Variants in VAT1L observed in about 807,000 individuals in gnomAD.
VAT1L encodes the protein putative NADPH-dependent quinone oxidoreductase VAT1L.
A neutral mutation model predicts 44.1 loss-of-function variants in VAT1L; 34 were observed. The observed-to-expected ratio is 0.77, with a 90% CI of 0.59 to 1.03. The LOEUF is 1.03. Ranked by LOEUF, VAT1L falls within the 50% of genes least tolerant of loss-of-function variation. The probability of loss-of-function intolerance (pLI) is 0.00; values close to 1 mark genes in which losing one functional copy is unlikely to be tolerated. For missense variants in VAT1L, 615 were observed against 538.8 expected, an observed-to-expected ratio of 1.14 and a Z score of -1.40; for synonymous variants, 253 against 202.2, an observed-to-expected ratio of 1.25 and a Z score of -2.13.
At chr16:77,962,503 G>C (rs1249258572) in intron 7 of VAT1L, among the ~76,000 whole-genome samples, 1 of 152,192 alleles carries the variant, frequency 6.6e-6, no homozygotes, top group East Asian at 1.9e-4. Context: ...CTCTGGACTT[G>C]GGAGTCAAAC....
intron 3 of VAT1L, among the ~76,000 whole-genome samples, chr16:77,829,922 T>A (rs1322180053): frequency 2.0e-5 from 3 of 152,296 alleles, no homozygotes; most frequent in Non-Finnish European, 4.4e-5. Context: ...TAAGCAAGCA[T>A]CATTCCCATT....
chr16:77,804,940 T>C (rs1204513897), intron 1 of VAT1L, among the ~76,000 whole-genome samples: 1 of 152,156 alleles, frequency 6.6e-6, no homozygotes, highest in Non-Finnish European at 1.5e-5. Flanking sequence ...TAAAATCAGA[T>C]GGGTCGGAAA....
intron 7 of VAT1L, among the ~76,000 whole-genome samples, chr16:77,964,302 T>C (rs1460712021): frequency 1.3e-5 from 2 of 152,164 alleles, no homozygotes; most frequent in East Asian, 1.9e-4. Context: ...TATCTTACAG[T>C]TCTGAAAGCC....
intron 7 of VAT1L, among the ~76,000 whole-genome samples, chr16:77,900,559 G>A (rs1380302659): frequency 1.3e-5 from 2 of 151,832 alleles, no homozygotes; most frequent in Non-Finnish European, 2.9e-5. Context: ...GCTGGGCGTG[G>A]TGGTAGCTGC....
At position 77,964,835 on chromosome 16, in the gene VAT1L, C is replaced by G. The variant is rs1051551710; in HGVS notation, c.1078-7015C>G. On this transcript the variant is annotated intron_variant, in intron 7 of 8. Transcript: ENST00000302536. ...TTAGATGGAGTTTCGCCCTTGTTGC[C>G]CAGGCTGGAGTGCAATGACGTAATC... 2.9e-5 allele frequency among the ~76,000 whole-genome samples: 4 copies of G among 137,746 alleles called. No individual in the cohort carries two copies. In the Admixed American group the frequency reaches 3.4e-4, roughly 12 times the overall value. The allele number at this position is 137,746 out of a possible 152,430, so 90.4% of individuals were successfully genotyped here. A position where few individuals can be genotyped will look rare whatever the true frequency, so the allele number is the denominator to read the frequency against.
At chr16:77,923,590 G>A (rs1232336558) in intron 7 of VAT1L, among the ~76,000 whole-genome samples, 1 of 152,136 alleles carries the variant, frequency 6.6e-6, no homozygotes, top group Non-Finnish European at 1.5e-5. Context: ...GACTTCTGTA[G>A]AATTTCTTTG....
intron 3 of VAT1L, among the ~76,000 whole-genome samples, chr16:77,826,715 AGTGTTT>A (rs2016527721): frequency 1.3e-5 from 2 of 152,314 alleles, no homozygotes; most frequent in Admixed American, 6.5e-5. Flanking sequence ...GTGGAACGTT[AGTGTTT>A]CTGAGAGTGG....
chr16:77,833,465 G>A (rs1200064716), intron 3 of VAT1L, among the ~76,000 whole-genome samples: 2 of 152,178 alleles, frequency 1.3e-5, no homozygotes, highest in East Asian at 1.9e-4. Flanking sequence ...ATGAAAAGTG[G>A]TAGTGGGCTG....
intron 3 of VAT1L, among the ~76,000 whole-genome samples, chr16:77,833,177 C>T (rs193057458): frequency 2.0e-5 from 3 of 152,270 alleles, no homozygotes; most frequent in Admixed American, 6.5e-5. Flanking sequence ...TTGAATTAGG[C>T]GCTAGGAGTT....
At chr16:77,920,036 A>G (rs1323294159) in intron 7 of VAT1L, among the ~76,000 whole-genome samples, 1 of 152,182 alleles carries the variant, frequency 6.6e-6, no homozygotes, top group Admixed American at 6.6e-5. Flanking sequence ...GTGAGTCAAG[A>G]TGGTGCCCCT....
At chr16:77,894,123 G>A (rs557773511) in intron 7 of VAT1L, among the ~76,000 whole-genome samples, 15 of 152,242 alleles carry the variant, frequency 9.9e-5, no homozygotes, top group East Asian at 1.9e-4. Flanking sequence ...GGACATTAGC[G>A]TCTCCACTAT....
intron 7 of VAT1L, among the ~76,000 whole-genome samples, chr16:77,942,720 T>TTTGTTG (rs569987007): frequency 6.6e-6 from 1 of 152,066 alleles, no homozygotes; most frequent in Non-Finnish European, 1.5e-5. Context: ...CACCCTGTTT[T>TTTGTTG]TTGTTGTTGT....
intron 7 of VAT1L, among the ~76,000 whole-genome samples, chr16:77,888,767 C>A (rs1002368793): frequency 1.3e-5 from 2 of 152,170 alleles, no homozygotes; most frequent in Non-Finnish European, 2.9e-5. Context: ...AGGGTAGGGG[C>A]AAAACCACTC....
chr16:77,915,948 G>T (rs931600884), intron 7 of VAT1L, among the ~76,000 whole-genome samples: 1 of 152,072 alleles, frequency 6.6e-6, no homozygotes, highest in Admixed American at 6.5e-5. Context: ...CTACTGGGGC[G>T]CTATGAGAAG....
At chr16:77,790,497 G>C (rs555085810) in intron 1 of VAT1L, among the ~76,000 whole-genome samples, 2 of 152,238 alleles carry the variant, frequency 1.3e-5, no homozygotes, top group East Asian at 3.9e-4. Context: ...GAGGAGGATT[G>C]TTGGGTCATT....
intron 7 of VAT1L, among the ~76,000 whole-genome samples, chr16:77,946,582 C>T (rs111933522): frequency 1.3e-5 from 2 of 151,890 alleles, no homozygotes; most frequent in Admixed American, 6.6e-5. Flanking sequence ...GCACCCAGCC[C>T]GAGAATGTAT....
chr16:77,848,348 G>C (rs1567486606), intron 3 of VAT1L, among the ~76,000 whole-genome samples: 1 of 152,152 alleles, frequency 6.6e-6, no homozygotes, highest in African/African-American at 2.4e-5. Flanking sequence ...TGGAGTGGAT[G>C]ACTCAAGGAC....
At chr16:77,801,448 C>T (rs2016050183) in intron 1 of VAT1L, 1 of 152,176 alleles carries the variant, frequency 6.6e-6, no homozygotes, top group African/African-American at 2.4e-5. Context: ...ATAGTTTGAT[C>T]TGAAACGGTT....
At chr16:77,823,513 A>G (rs2016484734) in intron 2 of VAT1L, among the ~76,000 whole-genome samples, 2 of 152,156 alleles carry the variant, frequency 1.3e-5, no homozygotes, top group Non-Finnish European at 2.9e-5. Flanking sequence ...TTGTGATGTC[A>G]TGGAAAAATA....
Sources: gnomAD v4.1 joint callset for allele counts (sites outside exome capture counted in the v4.1 genomes callset) on GRCh38, gnomAD v4.1.1 for gene constraint, MANE v1.5 for transcripts, NCBI Gene and HGNC (gene_info 2026-07-23, HGNC 2026-07-21) for gene names.